The following STXBP5 variants were observed in gnomAD, a reference collection of about 807,000 sequenced individuals.
STXBP5 encodes syntaxin-binding protein 5.
A neutral mutation model predicts 152.4 loss-of-function variants in STXBP5; 50 were observed. The ratio of observed to expected loss-of-function variants is 0.33; its 90% CI spans 0.26 to 0.42. STXBP5 has a LOEUF of 0.42. STXBP5 is among the 10% of genes least tolerant of loss of function. The pLI is 1.00. For synonymous variants in STXBP5, 492 were observed against 494.7 expected (o/e 0.99, Z 0.07); for missense variants, 1,167 against 1,388.6 (o/e 0.84, Z 2.54).
intron 21 of STXBP5, among the ~76,000 whole-genome samples, chr6:147,343,775 ATTATT>A (rs1334563849): frequency 3.3e-5 from 5 of 152,206 alleles, no homozygotes; most frequent in African/African-American, 1.2e-4. Context: ...AAGTTATCAA[ATTATT>A]TTATTCATTG....
chr6:147,270,017 A>G (rs953996463), intron 7 of STXBP5, among the ~76,000 whole-genome samples: 5 of 152,220 alleles, frequency 3.3e-5, no homozygotes, highest in Admixed American at 1.3e-4. Flanking sequence ...ACAATCTTCA[A>G]TTCCTACAAA....
intron 2 of STXBP5, among the ~76,000 whole-genome samples, chr6:147,219,527 T>C (rs1777349987): frequency 6.6e-6 from 1 of 152,182 alleles, no homozygotes; most frequent in Non-Finnish European, 1.5e-5. Context: ...CCTGGTACTT[T>C]CTATTTTGGG....
At chr6:147,337,192 G>GACACACACACACACACACACACACAC (rs61074711) in intron 19 of STXBP5, among the ~76,000 whole-genome samples, 94 of 53,940 alleles carry the variant, frequency 1.7e-3, no homozygotes, top group Middle Eastern at 0.012. Flanking sequence ...CACATACATA[G>GACACACACACACACACACACACACAC]ACACACACAC....
At position 147,267,137 on chromosome 6, in the gene STXBP5, G is replaced by A. The variant is rs1408298044; in HGVS notation, c.684G>A (p.Lys228=). 1 of 1,609,812 alleles carries A rather than the reference G, an allele frequency of 6.2e-7. No individual in the cohort carries two copies. Among genetic ancestry groups the A allele is most frequent in the East Asian group, 2.2e-5 (1 of 44,696 alleles). The change falls in exon 7 of 28, where the codon AAG becomes AAA. Residue 228 remains lysine (K), a synonymous_variant. Coordinates refer to ENST00000321680, the MANE Select transcript of STXBP5 (RefSeq NM_001127715.4). ...GTVVLWDLKS[K]KADYRYTYDE... ...TAGTTTTATGGGACCTCAAATCAAAGAAAGCCGACTACAGATACACATATG... is the reference window on the plus strand; with the variant it reads ...TAGTTTTATGGGACCTCAAATCAAAAAAAGCCGACTACAGATACACATATG...
In STXBP5 at chr6:147,388,665, T is replaced by C. The variant is rs1052705781; in HGVS notation, c.*3910T>C. On this transcript the variant is annotated 3_prime_UTR_variant, in exon 28 of 28. Coordinates refer to ENST00000321680, the MANE Select transcript of STXBP5 (RefSeq NM_001127715.4). ...ACATGAACAGGAAAGATATCATTTC[T>C]ATGCTTTAAAAAACCCTCTATTGAG... is the stretch of plus-strand genomic sequence containing the variant. 1.3e-5 allele frequency: 2 copies of C among 151,408 alleles called. No individual in the cohort carries two copies. Among genetic ancestry groups the C allele is most frequent in the Non-Finnish European group, 3.0e-5 (2 of 67,588 alleles). The allele number at this position is 151,408 out of a possible 1,614,324, so 9.4% of individuals were successfully genotyped here.
At chr6:147,353,294 G>T in intron 21 of STXBP5, 29 bp from the exon 22 acceptor site, 1 of 1,496,508 alleles carries the variant, frequency 6.7e-7, no homozygotes, top group Non-Finnish European at 9.1e-7. Flanking sequence ...ATATTCTTCA[G>T]AATTTTAAAA....
In STXBP5 at chr6:147,260,676, A is replaced by G; in HGVS notation, c.493A>G (p.Asn165Asp). 1 of 1,613,766 alleles carries G rather than the reference A, an allele frequency of 6.2e-7. No individual in the cohort carries two copies. Among genetic ancestry groups the G allele is most frequent in the Non-Finnish European group, 8.5e-7 (1 of 1,179,760 alleles). ...GCTCTATGTGGGCACTGAACGAGGT[A>G]ATATACATATTGTCAATGTGGAGTC... ...KWLYVGTERG[N>D]IHIVNVESFT... is the part of the protein sequence containing the mutation. The change falls in exon 5 of 28, where the codon AAT becomes GAT. Residue 165 changes from asparagine (N) to aspartate (D), a missense_variant. Physicochemically the swap from Asn to Asp is conservative, Grantham distance 23 (BLOSUM62 1). Coordinates refer to ENST00000321680, the MANE Select transcript of STXBP5 (RefSeq NM_001127715.4).
intron 8 of STXBP5, among the ~76,000 whole-genome samples, chr6:147,284,058 C>A (rs1020350916): frequency 6.6e-6 from 1 of 152,114 alleles, no homozygotes; most frequent in East Asian, 1.9e-4. Flanking sequence ...CCCAAATATG[C>A]AAACTATTAG....
At chr6:147,382,102 C>CT (rs1430612289) in intron 26 of STXBP5, among the ~76,000 whole-genome samples, 1 of 152,044 alleles carries the variant, frequency 6.6e-6, no homozygotes, top group Non-Finnish European at 1.5e-5. Flanking sequence ...TGAGATCAGC[C>CT]TTTAAAGAAT....
intron 26 of STXBP5, among the ~76,000 whole-genome samples, chr6:147,379,162 T>G (rs1351031236): frequency 6.6e-6 from 1 of 152,018 alleles, no homozygotes; most frequent in African/African-American, 2.4e-5. Context: ...TAGGCTTACC[T>G]AAATAATGCA....
At chr6:147,356,672 A>G (rs541707180) in intron 22 of STXBP5, among the ~76,000 whole-genome samples, 79 of 152,278 alleles carry the variant, frequency 5.2e-4, no homozygotes, top group African/African-American at 1.7e-3. Flanking sequence ...GAGGCTACCT[A>G]TAATCAAAGT....
chr6:147,324,629 T>G (rs1336908268), intron 16 of STXBP5, among the ~76,000 whole-genome samples: 1 of 151,998 alleles, frequency 6.6e-6, no homozygotes, highest in Non-Finnish European at 1.5e-5. Flanking sequence ...TTTTCTCTTC[T>G]TAATCCTTGG....
chr6:147,224,097 G>T (rs1034505313), intron 2 of STXBP5, among the ~76,000 whole-genome samples: 2 of 152,204 alleles, frequency 1.3e-5, no homozygotes, highest in African/African-American at 4.8e-5. Context: ...AAAAGACCTT[G>T]AAGTCTAATT....
chr6:147,228,344 C>A (rs1777833421), intron 2 of STXBP5, among the ~76,000 whole-genome samples: 1 of 151,792 alleles, frequency 6.6e-6, no homozygotes, highest in Admixed American at 6.6e-5. Flanking sequence ...TTCACTGTTT[C>A]CTAGCAACTA....
At chr6:147,241,310 A>G (rs1454553269) in intron 4 of STXBP5, among the ~76,000 whole-genome samples, 1 of 152,190 alleles carries the variant, frequency 6.6e-6, no homozygotes. Context: ...TAATGTTCAT[A>G]ACATAATAAG....
chr6:147,341,697 T>C (rs1235666121), intron 21 of STXBP5, among the ~76,000 whole-genome samples: 1 of 151,804 alleles, frequency 6.6e-6, no homozygotes, highest in African/African-American at 2.4e-5. Flanking sequence ...GTGTTGTGGG[T>C]GGGTGGTACA....
At position 147,387,783 on chromosome 6, in the gene STXBP5, G is replaced by A. The variant is rs1191524499; in HGVS notation, c.*3028G>A. On this transcript the variant is annotated 3_prime_UTR_variant, in exon 28 of 28. Transcript: ENST00000321680. ...TAAGTACAATAGTTTAAAGAACGAA[G>A]CAATTTTTTTTTTTTTGGCTTAGAA... 3 of 151,028 alleles carry A rather than the reference G, an allele frequency of 2.0e-5. No individual in the cohort carries two copies. Among genetic ancestry groups the A allele is most frequent in the Non-Finnish European group, 4.4e-5 (3 of 67,622 alleles). The allele number at this position is 151,028 out of a possible 1,614,324, so 9.4% of individuals were successfully genotyped here. A position where few individuals can be genotyped will look rare whatever the true frequency, so the allele number is the denominator to read the frequency against.
intron 5 of STXBP5, 21 bp from the exon 6 acceptor site, chr6:147,262,269 T>TA: frequency 6.7e-7 from 1 of 1,499,348 alleles, no homozygotes; most frequent in South Asian, 1.3e-5. Context: ...GAGAAAATCT[T>TA]ACTAACTTTT....
chr6:147,235,768 C>T (rs13207926), intron 3 of STXBP5, among the ~76,000 whole-genome samples: 7 of 152,212 alleles, frequency 4.6e-5, no homozygotes, highest in South Asian at 2.1e-4. Context: ...AAATAACACC[C>T]AAATGTGTCA....
Sources: allele counts gnomAD v4.1 joint callset (sites outside exome capture counted in the v4.1 genomes callset), GRCh38; gene constraint gnomAD v4.1.1; transcripts MANE v1.5; gene names NCBI Gene and HGNC (gene_info 2026-07-23, HGNC 2026-07-21).